The following CDH23 variants were observed in gnomAD, a reference collection of about 807,000 sequenced individuals.
The protein encoded by CDH23 is cadherin related 23, also known as cadherin-23.
CDH23 carries 189 observed loss-of-function variants against 317.1 expected under a neutral mutation model. The observed-to-expected ratio is 0.60, with a 90% CI of 0.53 to 0.67. The LOEUF is 0.67. CDH23 is among the 30% of genes least tolerant of loss of function. The probability of loss-of-function intolerance (pLI) is 0.00; values close to 1 mark genes in which losing one functional copy is unlikely to be tolerated. For synonymous variants in CDH23, 1,839 were observed against 1,876.8 expected (o/e 0.98, Z 0.52); for missense variants, 4,401 against 4,592.4 (o/e 0.96, Z 1.20).
At chr10:71,760,273 A>G (rs1049295783) in intron 38 of CDH23, among the ~76,000 whole-genome samples, 4 of 114,628 alleles carry the variant, frequency 3.5e-5, no homozygotes, top group African/African-American at 1.2e-4. Flanking sequence ...ATATACATAT[A>G]TATGTATGTA....
At chr10:71,809,134 CTCTCTTCTATGGGTTTTGTTGTTTTCTTT>C (rs1417214744) in intron 60 of CDH23, among the ~76,000 whole-genome samples, 5 of 146,940 alleles carry the variant, frequency 3.4e-5, no homozygotes, top group Admixed American at 2.7e-4. Flanking sequence ...ACCTGACCAT[CTCTCTTCTATGGGTTTTGTTGTTTTCTTT>C]TTCCTTTTTT....
intron 11 of CDH23, among the ~76,000 whole-genome samples, chr10:71,632,413 T>C (rs1862055314): frequency 6.6e-6 from 1 of 152,212 alleles, no homozygotes; most frequent in Admixed American, 6.5e-5. Context: ...AGTGATGTAC[T>C]CAGAGCTATG....
chr10:71,574,157 G>A (rs975931544), intron 8 of CDH23, among the ~76,000 whole-genome samples: 42 of 148,410 alleles, frequency 2.8e-4, no homozygotes, highest in African/African-American at 5.3e-4. Context: ...GGCCCCCACC[G>A]GACCTTTCCC....
At chr10:71,732,465 T>C (rs1450707529) in intron 32 of CDH23, 90 bp downstream of exon 32, 1 of 1,513,974 alleles carries the variant, frequency 6.6e-7, no homozygotes, top group Non-Finnish European at 8.9e-7. Flanking sequence ...CTCCTCTTTG[T>C]CATAAAATGT....
intron 3 of CDH23, among the ~76,000 whole-genome samples, chr10:71,470,403 A>G (rs964514220): frequency 1.3e-5 from 2 of 152,262 alleles, no homozygotes; most frequent in African/African-American, 4.8e-5. Context: ...TACTTGTTCC[A>G]AACAGAAATT....
chr10:71,747,836 T>C (rs1335562232), intron 38 of CDH23: 1 of 152,252 alleles, frequency 6.6e-6, no homozygotes, highest in Admixed American at 6.5e-5. Flanking sequence ...ATATTGATCA[T>C]TCAGAATCCC....
At chr10:71,612,349 G>A (rs1860954759) in intron 9 of CDH23, among the ~76,000 whole-genome samples, 1 of 151,996 alleles carries the variant, frequency 6.6e-6, no homozygotes, top group Non-Finnish European at 1.5e-5. Flanking sequence ...GGCATGGGGT[G>A]TCTTATGTGC....
At chr10:71,627,883 C>A (rs1225662291) in intron 11 of CDH23, among the ~76,000 whole-genome samples, 1 of 152,176 alleles carries the variant, frequency 6.6e-6, no homozygotes, top group Non-Finnish European at 1.5e-5. Flanking sequence ...GAATCAGAAG[C>A]AGAGCTGGCA....
At chr10:71,715,856 G>T in intron 28 of CDH23, 2 of 1,346,562 alleles carry the variant, frequency 1.5e-6, no homozygotes, top group African/African-American at 1.5e-5. Flanking sequence ...TCTTCCTGCA[G>T]CCTGCAGCAC....
intron 1 of CDH23, among the ~76,000 whole-genome samples, chr10:71,415,525 A>G (rs1364484149): frequency 6.6e-6 from 1 of 152,220 alleles, no homozygotes; most frequent in African/African-American, 2.4e-5. Context: ...TTAATTTTTC[A>G]TCAGAATTTG....
chr10:71,531,331 G>A (rs1035518964), intron 6 of CDH23, among the ~76,000 whole-genome samples: 5 of 152,144 alleles, frequency 3.3e-5, no homozygotes, highest in South Asian at 2.1e-4. Context: ...GCAAACAATC[G>A]GTGTCCCCTC....
chr10:71,780,505 G>A (rs915781290), intron 41 of CDH23, among the ~76,000 whole-genome samples: 3 of 152,210 alleles, frequency 2.0e-5, no homozygotes, highest in Non-Finnish European at 2.9e-5. Flanking sequence ...AAGGCACTGA[G>A]GTTGGAGCAT....
intron 31 of CDH23, among the ~76,000 whole-genome samples, chr10:71,731,272 G>T (rs979354598): frequency 6.6e-6 from 1 of 152,220 alleles, no homozygotes; most frequent in Non-Finnish European, 1.5e-5. Flanking sequence ...GGCTCCCTGA[G>T]CTGCTCATCC....
chr10:71,480,022 A>T (rs964765693), intron 3 of CDH23, among the ~76,000 whole-genome samples: 1 of 151,890 alleles, frequency 6.6e-6, no homozygotes, highest in Non-Finnish European at 1.5e-5. Flanking sequence ...CAGTCCCATG[A>T]CTCTGCTGCT....
At chr10:71,526,332 C>T (rs1204043188) in intron 6 of CDH23, among the ~76,000 whole-genome samples, 1 of 152,248 alleles carries the variant, frequency 6.6e-6, no homozygotes, top group Admixed American at 6.5e-5. Flanking sequence ...CTGTGGCTCT[C>T]CACGTGGGCC....
chr10:71,491,144 G>A lies in CDH23; in HGVS notation c.146-18938G>A, dbSNP rs151040256. ...TAAAGTCAGGCTGGGAGCTCCTCGCGTCATGTGATCACAGATTGAGATTGA... is the reference window on the plus strand; with the variant it reads ...TAAAGTCAGGCTGGGAGCTCCTCGCATCATGTGATCACAGATTGAGATTGA... On this transcript the variant is annotated intron_variant, in intron 3 of 69. Coordinates refer to ENST00000224721, the MANE Select transcript of CDH23 (RefSeq NM_022124.6). 7.3e-3 allele frequency among the ~76,000 whole-genome samples: 1,119 copies of A among 152,298 alleles called. 21 individuals carry two copies. The highest frequency in any genetic ancestry group is 0.031 in the Middle Eastern group (9 of 294).
At chr10:71,408,454 C>T (rs1848210038) in intron 1 of CDH23, among the ~76,000 whole-genome samples, 1 of 152,176 alleles carries the variant, frequency 6.6e-6, no homozygotes, top group Non-Finnish European at 1.5e-5. Flanking sequence ...CCAAGGTTTT[C>T]CTTCTCTGAT....
intron 68 of CDH23, 38 bp downstream of exon 68, chr10:71,812,928 G>C: frequency 6.2e-7 from 1 of 1,607,806 alleles, no homozygotes; most frequent in South Asian, 1.1e-5. Context: ...CAGTCCCTTG[G>C]CTGAGGTTGG....
intron 12 of CDH23, among the ~76,000 whole-genome samples, chr10:71,644,131 A>G (rs1234722844): frequency 6.6e-6 from 1 of 152,228 alleles, no homozygotes; most frequent in Non-Finnish European, 1.5e-5. Flanking sequence ...ATTCCACACC[A>G]GGGAGCGCTG....
Sources: allele counts gnomAD v4.1 joint callset (sites outside exome capture counted in the v4.1 genomes callset), GRCh38; gene constraint gnomAD v4.1.1; transcripts MANE v1.5; gene names NCBI Gene and HGNC (gene_info 2026-07-23, HGNC 2026-07-21).